The following ZNF676 variants were observed in gnomAD, a reference collection of about 807,000 sequenced individuals.
ZNF676 encodes the protein zinc finger protein 676.
Under a neutral mutation model 6.0 loss-of-function variants are expected in ZNF676, and 4 were observed. The ratio of observed to expected loss-of-function variants is 0.67; its 90% CI spans 0.33 to 1.53. The LOEUF (loss-of-function observed/expected upper bound fraction) is 1.53, where lower values mean the gene tolerates loss of function less well. Ranked by LOEUF, ZNF676 falls within the 40% of genes most tolerant of loss-of-function variation. ZNF676 has a pLI of 0.06. For missense variants in ZNF676, 644 were observed against 679.7 expected (o/e 0.95, Z 0.58); for synonymous variants, 198 against 223.1 (o/e 0.89, Z 1.00).
upstream of ZNF676, among the ~76,000 whole-genome samples, chr19:22,200,516 T>C (rs1276335545): frequency 4.3e-5 from 1 of 23,526 alleles, no homozygotes; most frequent in Admixed American, 4.5e-4. Flanking sequence ...GCTTCATCAA[T>C]TTTTTTTTTT....
the ZNF676 span, among the ~76,000 whole-genome samples, chr19:22,236,244 A>G: frequency 3.9e-5 from 6 of 152,000 alleles, no homozygotes; most frequent in African/African-American, 9.7e-5. Flanking sequence ...CCAATGTAGG[A>G]GTTCTGCCAT....
chr19:22,191,324 C>T (rs116281665), intron 2 of ZNF676, among the ~76,000 whole-genome samples: 2,667 of 152,218 alleles, frequency 0.018, 50 homozygotes, highest in African/African-American at 0.04. Flanking sequence ...CCTACTTGGT[C>T]CCACAGAGAA....
At chr19:22,240,606 C>T in the ZNF676 span, among the ~76,000 whole-genome samples, 1 of 151,906 alleles carries the variant, frequency 6.6e-6, no homozygotes, top group Non-Finnish European at 1.5e-5. Context: ...CCAGCCTGAC[C>T]AACAAGGTGA....
chr19:22,187,228 G>A (rs529803347), intron 2 of ZNF676, among the ~76,000 whole-genome samples: 7 of 152,030 alleles, frequency 4.6e-5, no homozygotes, highest in Non-Finnish European at 5.9e-5. Flanking sequence ...ACGCAAAACC[G>A]TACAATTACA....
chr19:22,187,486 C>T lies in ZNF676; in HGVS notation c.130+5530G>A, dbSNP rs943133624. 1.9e-4 allele frequency among the ~76,000 whole-genome samples: 29 copies of T among 151,806 alleles called. 1 individual carries two copies. The highest frequency in any genetic ancestry group is 3.2e-3 in the Middle Eastern group (1 of 316). Reference sequence around the variant, plus strand: ...CTAGAGAAGAACAATCAAATTCAAACCCTAGCAGAATACAAGAAATAACTA... The same window carrying T: ...CTAGAGAAGAACAATCAAATTCAAATCCTAGCAGAATACAAGAAATAACTA... On this transcript the variant is annotated intron_variant, in intron 2 of 2. Coordinates refer to ENST00000397121, the MANE Select transcript of ZNF676 (RefSeq NM_001001411.3).
the ZNF676 span, among the ~76,000 whole-genome samples, chr19:22,250,736 G>T: frequency 6.7e-6 from 1 of 150,178 alleles, no homozygotes; most frequent in Admixed American, 6.6e-5. Context: ...TTTTAAGACA[G>T]AGTTTCCTTC....
the ZNF676 span, among the ~76,000 whole-genome samples, chr19:22,256,779 G>A: frequency 0.35 from 52,608 of 151,936 alleles, 10,388 homozygotes; most frequent in Non-Finnish European, 0.45. Context: ...CCAGGCAGAA[G>A]AGAAGAGGCA....
the ZNF676 span, among the ~76,000 whole-genome samples, chr19:22,235,555 A>G: frequency 4.6e-5 from 7 of 152,260 alleles, no homozygotes; most frequent in Non-Finnish European, 1.5e-5. Flanking sequence ...ACCCCTGGAA[A>G]TTTTACTGAG....
chr19:22,248,114 A>G, the ZNF676 span, among the ~76,000 whole-genome samples: 8 of 152,070 alleles, frequency 5.3e-5, no homozygotes, highest in Admixed American at 3.3e-4. Context: ...TCCATGGTGT[A>G]TATGTGCCAC....
upstream of ZNF676, among the ~76,000 whole-genome samples, chr19:22,216,200 C>T (rs1444659680): frequency 2.0e-5 from 3 of 152,082 alleles, no homozygotes; most frequent in East Asian, 3.9e-4. Context: ...TTTGGGAGGC[C>T]GAGGCGGGTG....
chr19:22,235,009 A>T, the ZNF676 span, among the ~76,000 whole-genome samples: 2 of 120,004 alleles, frequency 1.7e-5, no homozygotes, highest in Non-Finnish European at 3.5e-5. Flanking sequence ...AGAAAGAAAG[A>T]AAGAAAGAAA....
At chr19:22,183,203 A>G (rs2023785972) in intron 2 of ZNF676, among the ~76,000 whole-genome samples, 1 of 152,180 alleles carries the variant, frequency 6.6e-6, no homozygotes, top group Non-Finnish European at 1.5e-5. Context: ...AGGAAGACAG[A>G]AAGAGAAAAT....
chr19:22,238,507 T>G, the ZNF676 span, among the ~76,000 whole-genome samples: 1 of 152,112 alleles, frequency 6.6e-6, no homozygotes, highest in South Asian at 2.1e-4. Flanking sequence ...TTAGCATTTT[T>G]GGGTCTAATC....
chr19:22,196,873 C>T lies in ZNF676; in HGVS notation c.-240G>A, dbSNP rs780970411. On this transcript the variant is annotated 5_prime_UTR_variant, in exon 1 of 3. It adds an upstream start codon to the 5' untranslated region. Transcript: ENST00000397121. ...TTATTCAATAAAATAGTTTTCAACA[C>T]AGAAATGTTCACTAATGTATTCTCT... is the stretch of plus-strand genomic sequence containing the variant. 4 of 771,992 alleles carry T rather than the reference C, an allele frequency of 5.2e-6. No individual in the cohort carries two copies. Among genetic ancestry groups the T allele is most frequent in the Non-Finnish European group, 8.3e-6 (4 of 480,610 alleles). The allele number at this position is 771,992 out of a possible 1,614,324, so 47.8% of individuals were successfully genotyped here.
At chr19:22,197,619 AAAGAT>A (rs2023981447), upstream of ZNF676, among the ~76,000 whole-genome samples, 3 of 152,178 alleles carry the variant, frequency 2.0e-5, no homozygotes, top group Admixed American at 2.0e-4. Flanking sequence ...GTTTGTAAAC[AAAGAT>A]AAGAGCCTTC....
chr19:22,179,990 A>T lies in ZNF676; in HGVS notation c.1727T>A (p.Val576Asp). ...AGTATGAATTTTCTTATGATAACTA[A>T]CAGTTGAGGATGACTTAAAAGCTTT... The part of the protein sequence containing the change: ...CGKAFKSSST[V>D]SYHKKIHTGE... Residue 576 changes from valine to aspartate, a missense_variant, in exon 3 of 3, where the codon GTT becomes GAT. By Grantham distance (152) the Val-to-Asp change is radical. This residue lies in a region of ZNF676 where 306 missense variants were observed against 265.4 expected (regional missense o/e 1.15). Coordinates refer to ENST00000397121, the MANE Select transcript of ZNF676 (RefSeq NM_001001411.3). 3 of 1,613,786 alleles carry T rather than the reference A, an allele frequency of 1.9e-6. No individual in the cohort carries two copies. Among genetic ancestry groups the T allele is most frequent in the Non-Finnish European group, 2.5e-6 (3 of 1,179,874 alleles).
the ZNF676 span, among the ~76,000 whole-genome samples, chr19:22,226,684 C>T: frequency 1.3e-5 from 2 of 151,500 alleles, no homozygotes; most frequent in African/African-American, 4.9e-5. Flanking sequence ...ACAACCTCCA[C>T]CTTCTGGGTT....
intron 1 of ZNF676, 42 bp from the exon 2 acceptor site, chr19:22,193,153 C>T (rs1485419420): frequency 9.8e-6 from 15 of 1,535,918 alleles, no homozygotes; most frequent in Admixed American, 2.0e-5. Context: ...TGCTCATATT[C>T]TCCAATTACC....
At chr19:22,204,721 T>C (rs1298268017) in intron 1 of ZNF676, among the ~76,000 whole-genome samples, 1 of 152,154 alleles carries the variant, frequency 6.6e-6, no homozygotes, top group Non-Finnish European at 1.5e-5. Context: ...GCTCTTGAAA[T>C]AAATTTTACT....
Sources: gnomAD v4.1 joint callset for allele counts (sites outside exome capture counted in the v4.1 genomes callset) on GRCh38, gnomAD v4.1.1 for gene constraint, gnomAD v4.1.1 regional missense constraint, MANE v1.5 for transcripts, NCBI Gene and HGNC (gene_info 2026-07-23, HGNC 2026-07-21) for gene names.